The following CHLSN variants were observed in gnomAD, a reference collection of about 807,000 sequenced individuals.
CHLSN encodes the protein cholesin.
chr7:1,133,861 C>T, the CHLSN span, among the ~76,000 whole-genome samples: 1 of 152,012 alleles, frequency 6.6e-6, no homozygotes, highest in African/African-American at 2.4e-5. Context: ...GGCTGGAACA[C>T]AGTGGCATAA....
At chr7:992,973 C>G in the CHLSN span, among the ~76,000 whole-genome samples, 1 of 152,276 alleles carries the variant, frequency 6.6e-6, no homozygotes, top group African/African-American at 2.4e-5. Context: ...CAGAGTGCAT[C>G]GGGTAGCTCC....
At chr7:995,995 G>A in the CHLSN span, among the ~76,000 whole-genome samples, 16 of 152,186 alleles carry the variant, frequency 1.1e-4, no homozygotes, top group African/African-American at 1.7e-4. Context: ...CCCGAGTCTC[G>A]ATGTCCACAT....
At chr7:1,069,407 G>A in the CHLSN span, among the ~76,000 whole-genome samples, 3 of 144,002 alleles carry the variant, frequency 2.1e-5, no homozygotes, top group Middle Eastern at 3.3e-3. Context: ...CCTCTCATGC[G>A]GAGCCGAAGC....
the CHLSN span, among the ~76,000 whole-genome samples, chr7:1,115,804 G>A: frequency 1.8e-5 from 2 of 113,578 alleles, no homozygotes; most frequent in Non-Finnish European, 3.7e-5. Flanking sequence ...GCCCACGCAG[G>A]ATGACATCAC....
At chr7:1,035,881 C>T in the CHLSN span, among the ~76,000 whole-genome samples, 3 of 152,214 alleles carry the variant, frequency 2.0e-5, no homozygotes, top group African/African-American at 4.8e-5. Flanking sequence ...AGATTGGAAG[C>T]AACCAAGATG....
the CHLSN span, among the ~76,000 whole-genome samples, chr7:1,136,473 A>AAT: frequency 9.1e-6 from 1 of 109,724 alleles, no homozygotes; most frequent in Non-Finnish European, 1.6e-5. Flanking sequence ...AACATATATA[A>AAT]ATATATAAAC....
At chr7:981,176 AT>A in the CHLSN span, among the ~76,000 whole-genome samples, 2 of 151,928 alleles carry the variant, frequency 1.3e-5, no homozygotes, top group African/African-American at 4.8e-5. Context: ...TATGCCTGTA[AT>A]CCCAGCTACC....
the CHLSN span, among the ~76,000 whole-genome samples, chr7:1,063,573 C>T: frequency 2.0e-5 from 3 of 152,252 alleles, no homozygotes; most frequent in Non-Finnish European, 4.4e-5. Flanking sequence ...CCAGCGCCCA[C>T]CATGGGCCCC....
At chr7:999,003 A>T in the CHLSN span, among the ~76,000 whole-genome samples, 1 of 152,236 alleles carries the variant, frequency 6.6e-6, no homozygotes, top group African/African-American at 2.4e-5. Context: ...GTTACATATG[A>T]AATAAAAATG....
the CHLSN span, chr7:1,021,439 T>G: frequency 5.1e-6 from 5 of 985,470 alleles, no homozygotes; most frequent in Non-Finnish European, 6.0e-6. Flanking sequence ...CCTTCCTGTC[T>G]TCATCCATTA....
the CHLSN span, among the ~76,000 whole-genome samples, chr7:1,134,595 G>A: frequency 6.6e-6 from 1 of 150,902 alleles, no homozygotes; most frequent in Admixed American, 6.6e-5. Flanking sequence ...TAGGCCGGGT[G>A]CGGTGGCTCA....
the CHLSN span, among the ~76,000 whole-genome samples, chr7:999,434 C>T: frequency 2.6e-5 from 4 of 151,794 alleles, no homozygotes; most frequent in South Asian, 2.1e-4. Context: ...GGCTTACAAT[C>T]GGCTTGCAAT....
chr7:1,080,576 C>A, the CHLSN span, among the ~76,000 whole-genome samples: 1 of 152,236 alleles, frequency 6.6e-6, no homozygotes, highest in African/African-American at 2.4e-5. Flanking sequence ...TGGAACAGGA[C>A]GGTTTGTGCG....
At chr7:1,061,393 G>A in the CHLSN span, among the ~76,000 whole-genome samples, 1 of 151,870 alleles carries the variant, frequency 6.6e-6, no homozygotes, top group Non-Finnish European at 1.5e-5. Context: ...GTGCACCATG[G>A]CCTGCCCCAA....
chr7:992,887 T>C, the CHLSN span, among the ~76,000 whole-genome samples: 18 of 152,332 alleles, frequency 1.2e-4, no homozygotes, highest in Middle Eastern at 3.4e-3. Flanking sequence ...GGCCCATCGC[T>C]GGCCAAATTC....
the CHLSN span, among the ~76,000 whole-genome samples, chr7:1,136,058 ATATATATAAATATAAG>A: frequency 8.6e-6 from 1 of 116,318 alleles, no homozygotes; most frequent in Non-Finnish European, 1.6e-5. Flanking sequence ...GTATATATAA[ATATATATAAATATAAG>A]TATATATAAA....
chr7:1,105,399 C>G, the CHLSN span, among the ~76,000 whole-genome samples: 2 of 152,204 alleles, frequency 1.3e-5, no homozygotes, highest in African/African-American at 4.8e-5. Flanking sequence ...CCTCTAAGAG[C>G]AGGTGCTTGA....
At chr7:1,096,550 A>G in the CHLSN span, among the ~76,000 whole-genome samples, 1 of 152,220 alleles carries the variant, frequency 6.6e-6, no homozygotes, top group Non-Finnish European at 1.5e-5. The surrounding 1 kb of genome is among the most constrained non-coding windows in gnomAD (Gnocchi z 4.6). Context: ...GAGCCAGGGC[A>G]AATGTAATTG....
chr7:1,118,300 C>T, the CHLSN span, among the ~76,000 whole-genome samples: 3 of 152,212 alleles, frequency 2.0e-5, no homozygotes, highest in African/African-American at 7.2e-5. Flanking sequence ...AGTGGAGACA[C>T]ACCTGCCATT....
Sources: allele counts gnomAD v4.1 joint callset (sites outside exome capture counted in the v4.1 genomes callset), GRCh38; gene constraint gnomAD v4.1.1; non-coding constraint Gnocchi (gnomAD v3.1); transcripts MANE v1.5; gene names NCBI Gene and HGNC (gene_info 2026-07-23, HGNC 2026-07-21).